Variants in MYRIP observed in about 807,000 individuals in gnomAD.
MYRIP encodes the protein myosin VIIA and Rab interacting protein, also known as rab effector MyRIP.
In MYRIP, 49 loss-of-function variants were observed where a neutral mutation model predicts 98.0. The ratio of observed to expected loss-of-function variants is 0.50; its 90% CI spans 0.40 to 0.63. The LOEUF (loss-of-function observed/expected upper bound fraction) is 0.63, where lower values mean the gene tolerates loss of function less well. Among genes scored for constraint, MYRIP ranks in the 30% least tolerant of loss-of-function variants. The pLI, the probability that MYRIP is intolerant of heterozygous loss-of-function variation, is 0.00. For missense variants in MYRIP, 1,004 were observed against 1,058.2 expected (o/e 0.95, Z 0.71); for synonymous variants, 404 against 409.5 (o/e 0.99, Z 0.16).
At chr3:39,959,059 A>T (rs1340277307) in intron 2 of MYRIP, among the ~76,000 whole-genome samples, 1 of 129,434 alleles carries the variant, frequency 7.7e-6, no homozygotes, top group Non-Finnish European at 1.7e-5. Context: ...AGAAATAGGA[A>T]CACTTTTACA....
At chr3:39,986,203 G>C (rs1946027335) in intron 2 of MYRIP, among the ~76,000 whole-genome samples, 1 of 152,150 alleles carries the variant, frequency 6.6e-6, no homozygotes. Flanking sequence ...GGATATCCAA[G>C]CATTAAGGGT....
intron 2 of MYRIP, among the ~76,000 whole-genome samples, chr3:40,034,312 C>A (rs1382777020): frequency 2.6e-5 from 4 of 152,074 alleles, no homozygotes; most frequent in Non-Finnish European, 4.4e-5. Context: ...AAAATTTTTG[C>A]AACCTACTCA....
At chr3:40,110,595 C>T (rs1161116896) in intron 3 of MYRIP, among the ~76,000 whole-genome samples, 7 of 152,138 alleles carry the variant, frequency 4.6e-5, no homozygotes, top group African/African-American at 1.7e-4. Flanking sequence ...TACAACACCT[C>T]CCTTCCCAGA....
At position 39,859,544 on chromosome 3, in the gene MYRIP, T is replaced by C. The variant is rs187959586; in HGVS notation, c.-30-41243T>C. ...TTTTATGAGGCTAACATTACATGGA[T>C]ACTAGAGCAAGATGGGGACATGACA... On this transcript the variant is annotated intron_variant, in intron 1 of 16. Transcript: ENST00000302541. 6.9e-3 allele frequency among the ~76,000 whole-genome samples: 1,058 copies of C among 152,324 alleles called. 2 individuals carry two copies. The highest frequency in any genetic ancestry group is 9.9e-3 in the Non-Finnish European group (674 of 68,018).
chr3:40,119,443 T>C (rs1048269564), intron 3 of MYRIP, among the ~76,000 whole-genome samples: 2 of 152,240 alleles, frequency 1.3e-5, no homozygotes, highest in African/African-American at 4.8e-5. Flanking sequence ...AAAGGGAATA[T>C]TTTTTAGTAT....
intron 2 of MYRIP, among the ~76,000 whole-genome samples, chr3:39,970,848 G>A (rs561754508): frequency 3.3e-5 from 5 of 152,084 alleles, no homozygotes; most frequent in South Asian, 2.1e-4. Flanking sequence ...TAGATATGTA[G>A]GGAAAAAAGT....
chr3:39,904,535 C>T (rs576799017), intron 2 of MYRIP, among the ~76,000 whole-genome samples: 5 of 151,974 alleles, frequency 3.3e-5, no homozygotes, highest in African/African-American at 7.3e-5. Flanking sequence ...TGCGCCTGGT[C>T]GTGTTTTTTT....
chr3:39,922,983 C>A (rs1944337580), intron 2 of MYRIP, among the ~76,000 whole-genome samples: 1 of 140,932 alleles, frequency 7.1e-6, no homozygotes, highest in Non-Finnish European at 1.6e-5. Flanking sequence ...TAATAATAAA[C>A]CCTTAACGAG....
chr3:39,959,780 A>G (rs565385076), intron 2 of MYRIP, among the ~76,000 whole-genome samples: 3 of 152,250 alleles, frequency 2.0e-5, no homozygotes, highest in Admixed American at 2.0e-4. Context: ...AATTCAATAT[A>G]ATTAAATATT....
At chr3:39,977,124 A>G (rs182826578) in intron 2 of MYRIP, among the ~76,000 whole-genome samples, 115 of 138,534 alleles carry the variant, frequency 8.3e-4, no homozygotes, top group Non-Finnish European at 1.5e-3. Flanking sequence ...GGTTTATTTT[A>G]AAAAAAAACG....
At chr3:40,131,496 A>G (rs1391087011) in intron 3 of MYRIP, among the ~76,000 whole-genome samples, 3 of 152,162 alleles carry the variant, frequency 2.0e-5, no homozygotes, top group Non-Finnish European at 4.4e-5. Flanking sequence ...ATCAAACACA[A>G]GTAAGTGAGG....
At chr3:40,160,268 C>G (rs938231920) in intron 4 of MYRIP, among the ~76,000 whole-genome samples, 37 of 152,282 alleles carry the variant, frequency 2.4e-4, no homozygotes, top group Non-Finnish European at 4.3e-4. Context: ...AGGTGTCAGT[C>G]TGCCCCTACT....
chr3:40,155,390 A>G (rs1010884511), intron 4 of MYRIP, among the ~76,000 whole-genome samples: 1 of 151,206 alleles, frequency 6.6e-6, no homozygotes, highest in Admixed American at 6.6e-5. Context: ...CCAGTCTATC[A>G]TTGTTGGACA....
chr3:40,205,064 G>C (rs1029108923), intron 10 of MYRIP, among the ~76,000 whole-genome samples: 5 of 152,044 alleles, frequency 3.3e-5, no homozygotes, highest in Non-Finnish European at 7.4e-5. Context: ...TGCCACACAG[G>C]TGCCAGGAAG....
intron 3 of MYRIP, among the ~76,000 whole-genome samples, chr3:40,127,891 T>C (rs1949554552): frequency 6.6e-6 from 1 of 152,238 alleles, no homozygotes; most frequent in African/African-American, 2.4e-5. Flanking sequence ...CTCATCCCTC[T>C]GGCCTTGAGG....
intron 4 of MYRIP, among the ~76,000 whole-genome samples, chr3:40,156,515 T>A (rs527741523): frequency 2.0e-5 from 3 of 152,290 alleles, no homozygotes; most frequent in Admixed American, 6.5e-5. Flanking sequence ...AGTAGTTTTT[T>A]CCAATTCTGT....
chr3:39,833,881 TAGCTGGGC>T (rs1941546020), intron 1 of MYRIP, among the ~76,000 whole-genome samples: 2 of 152,060 alleles, frequency 1.3e-5, no homozygotes, highest in Non-Finnish European at 2.9e-5. Context: ...AATTCGCAAT[TAGCTGGGC>T]ATGGTGGCAG....
intron 2 of MYRIP, among the ~76,000 whole-genome samples, chr3:39,941,568 G>A (rs938735946): frequency 2.7e-5 from 4 of 150,782 alleles, no homozygotes; most frequent in African/African-American, 9.8e-5. Flanking sequence ...AAGCAAATTG[G>A]CATTCTATAT....
intron 12 of MYRIP, among the ~76,000 whole-genome samples, chr3:40,240,225 C>T (rs1213330167): frequency 1.6e-4 from 24 of 151,878 alleles, no homozygotes; most frequent in Admixed American, 3.9e-4. Context: ...TGTAGATATG[C>T]GGCATTATTT....
Sources: gnomAD v4.1 joint callset for allele counts (sites outside exome capture counted in the v4.1 genomes callset) on GRCh38, gnomAD v4.1.1 for gene constraint, MANE v1.5 for transcripts, NCBI Gene and HGNC (gene_info 2026-07-23, HGNC 2026-07-21) for gene names.